Variants in HS2ST1 observed in about 807,000 individuals in gnomAD.
HS2ST1 encodes 2-O-sulfotransferase.
Under a neutral mutation model 42.9 loss-of-function variants are expected in HS2ST1, and 18 were observed. The observed-to-expected ratio is 0.42, with a 90% CI of 0.29 to 0.62. The LOEUF (loss-of-function observed/expected upper bound fraction) is 0.62, where lower values mean the gene tolerates loss of function less well. Among genes scored for constraint, HS2ST1 ranks in the 20% least tolerant of loss-of-function variants. The probability of loss-of-function intolerance (pLI) is 0.21; values close to 1 mark genes in which losing one functional copy is unlikely to be tolerated. For missense variants in HS2ST1, 334 were observed against 433.8 expected (o/e 0.77, Z 2.04); for synonymous variants, 146 against 152.9 (o/e 0.95, Z 0.33).
chr1:86,963,640 A>G (rs1264596181), intron 1 of HS2ST1, among the ~76,000 whole-genome samples: 1 of 151,740 alleles, frequency 6.6e-6, no homozygotes, highest in African/African-American at 2.4e-5. Context: ...CGCCATCGTC[A>G]TCATGGCCCG....
At chr1:86,925,489 T>C (rs1347339729) in intron 1 of HS2ST1, among the ~76,000 whole-genome samples, 1 of 152,230 alleles carries the variant, frequency 6.6e-6, no homozygotes, top group Non-Finnish European at 1.5e-5. Context: ...TTAATAGTTC[T>C]ACATGGCTGG....
intron 1 of HS2ST1, among the ~76,000 whole-genome samples, chr1:86,964,061 C>T (rs1396713974): frequency 6.6e-6 from 1 of 150,734 alleles, no homozygotes; most frequent in Non-Finnish European, 1.5e-5. Context: ...CAGAGGCGCT[C>T]CTCACATCCC....
At chr1:87,006,217 GC>G (rs1649434600) in intron 1 of HS2ST1, among the ~76,000 whole-genome samples, 1 of 152,068 alleles carries the variant, frequency 6.6e-6, no homozygotes, top group African/African-American at 2.4e-5. Flanking sequence ...CAGTAGTATT[GC>G]CCAAGGATAG....
At chr1:87,100,843 T>G (rs1031649073) in intron 5 of HS2ST1, among the ~76,000 whole-genome samples, 5 of 152,038 alleles carry the variant, frequency 3.3e-5, no homozygotes, top group Non-Finnish European at 7.4e-5. Context: ...AACACATGAG[T>G]CCAGGAGGTT....
At position 87,014,314 on chromosome 1, in the gene HS2ST1, A is replaced by G. The variant is rs569275970; in HGVS notation, c.125-58620A>G. ...AGACATGTATTACTTGGCGGCAAAC[A>G]AGACAGCTAGTGCAGGGGAACTCCC... On this transcript the variant is annotated intron_variant, in intron 1 of 6. Transcript: ENST00000370550. 2.6e-5 allele frequency among the ~76,000 whole-genome samples: 4 copies of G among 152,326 alleles called. No homozygotes were observed. The South Asian group carries it at 8.3e-4, about 32-fold the overall frequency.
At chr1:87,056,088 T>C (rs1650961134) in intron 1 of HS2ST1, among the ~76,000 whole-genome samples, 1 of 152,050 alleles carries the variant, frequency 6.6e-6, no homozygotes, top group Non-Finnish European at 1.5e-5. Flanking sequence ...GGTGGGACCT[T>C]TAAGAGGCAT....
intron 1 of HS2ST1, among the ~76,000 whole-genome samples, chr1:86,965,137 A>G (rs905188083): frequency 2.6e-5 from 4 of 152,216 alleles, no homozygotes; most frequent in African/African-American, 9.6e-5. Flanking sequence ...GAGTAAGACA[A>G]AGTAATTAGC....
At chr1:87,052,875 C>A (rs775029288) in intron 1 of HS2ST1, among the ~76,000 whole-genome samples, 9 of 152,152 alleles carry the variant, frequency 5.9e-5, no homozygotes, top group Non-Finnish European at 1.2e-4. Context: ...CTCTAGAACA[C>A]CGATTCTCAA....
chr1:86,955,261 G>A (rs1160411620), intron 1 of HS2ST1, among the ~76,000 whole-genome samples: 2 of 152,150 alleles, frequency 1.3e-5, no homozygotes, highest in African/African-American at 2.4e-5. Flanking sequence ...GTCATGTAGT[G>A]TAGGAGTCCC....
intron 1 of HS2ST1, among the ~76,000 whole-genome samples, chr1:87,047,790 TC>T (rs1650724148): frequency 6.6e-6 from 1 of 152,206 alleles, no homozygotes; most frequent in South Asian, 2.1e-4. Flanking sequence ...GATTCACTAT[TC>T]TGTTCCATTG....
intron 1 of HS2ST1, among the ~76,000 whole-genome samples, chr1:86,953,069 G>T (rs1317277928): frequency 6.6e-6 from 1 of 152,204 alleles, no homozygotes; most frequent in Non-Finnish European, 1.5e-5. Context: ...GCTAGACGGG[G>T]ATAACTTCCT....
chr1:86,940,547 C>G (rs1484296567), intron 1 of HS2ST1, among the ~76,000 whole-genome samples: 2 of 152,096 alleles, frequency 1.3e-5, no homozygotes, highest in Admixed American at 1.3e-4. Flanking sequence ...GGTAGGAAGT[C>G]CAGTTAGATT....
chr1:87,020,175 C>T (rs1446607449), intron 1 of HS2ST1, among the ~76,000 whole-genome samples: 1 of 152,092 alleles, frequency 6.6e-6, no homozygotes, highest in Non-Finnish European at 1.5e-5. Context: ...TAAAAACAAA[C>T]CCCTTTATCA....
intron 1 of HS2ST1, among the ~76,000 whole-genome samples, chr1:87,063,038 A>T (rs767889026): frequency 9.9e-5 from 15 of 152,112 alleles, no homozygotes; most frequent in African/African-American, 3.4e-4. Flanking sequence ...CTAAATGTTT[A>T]TGTCTCTTTT....
intron 1 of HS2ST1, among the ~76,000 whole-genome samples, chr1:87,002,756 G>A (rs1386962711): frequency 1.3e-5 from 2 of 151,474 alleles, no homozygotes; most frequent in Non-Finnish European, 2.9e-5. Flanking sequence ...TGACTACCTT[G>A]TATAGGTCCC....
intron 1 of HS2ST1, among the ~76,000 whole-genome samples, chr1:86,945,678 TATG>T: frequency 6.6e-6 from 1 of 152,314 alleles, no homozygotes; most frequent in South Asian, 2.1e-4. Flanking sequence ...GAACCATGAT[TATG>T]AATATGCCAG....
intron 4 of HS2ST1, among the ~76,000 whole-genome samples, chr1:87,093,782 A>G (rs1232632188): frequency 3.3e-5 from 5 of 152,164 alleles, no homozygotes; most frequent in African/African-American, 1.2e-4. Flanking sequence ...TGTTAATGAT[A>G]ATTAACATCC....
intron 1 of HS2ST1, among the ~76,000 whole-genome samples, chr1:86,977,691 C>G (rs1648459456): frequency 1.3e-5 from 2 of 152,196 alleles, no homozygotes; most frequent in African/African-American, 4.8e-5. Context: ...GAAAGCAAGG[C>G]AGTGTCAAAT....
At chr1:87,011,653 GTTATT>G (rs1649600904) in intron 1 of HS2ST1, among the ~76,000 whole-genome samples, 1 of 152,092 alleles carries the variant, frequency 6.6e-6, no homozygotes, top group South Asian at 2.1e-4. Flanking sequence ...ATTGTATATT[GTTATT>G]TTATAGGACA....
Sources: gnomAD v4.1 joint callset for allele counts (sites outside exome capture counted in the v4.1 genomes callset) on GRCh38, gnomAD v4.1.1 for gene constraint, MANE v1.5 for transcripts, NCBI Gene and HGNC (gene_info 2026-07-23, HGNC 2026-07-21) for gene names.